The following USP7 variants were observed in gnomAD, a reference collection of about 807,000 sequenced individuals.
USP7 encodes ubiquitin C-terminal hydrolase 7.
In USP7, 9 loss-of-function variants were observed where a neutral mutation model predicts 162.9. The ratio of observed to expected loss-of-function variants is 0.06; its 90% confidence interval spans 0.03 to 0.10. USP7 has a LOEUF of 0.10. Ranked by LOEUF, USP7 falls within the 10% of genes least tolerant of loss-of-function variation. USP7 has a pLI of 1.00. For synonymous variants in USP7, 562 were observed against 475.9 expected, an observed-to-expected ratio of 1.18 and a Z score of -2.35; for missense variants, 715 against 1,373.7, an observed-to-expected ratio of 0.52 and a Z score of 7.58.
At chr16:8,958,909 T>C (rs1307801914) in intron 1 of USP7, among the ~76,000 whole-genome samples, 1 of 152,268 alleles carries the variant, frequency 6.6e-6, no homozygotes, top group Non-Finnish European at 1.5e-5. Flanking sequence ...AGAGGCCGGA[T>C]GGCTTCTTCC....
At chr16:8,902,931 C>T (rs876884) in intron 16 of USP7, among the ~76,000 whole-genome samples, 34,736 of 152,164 alleles carry the variant, frequency 0.23, 4,926 homozygotes, top group South Asian at 0.34. Flanking sequence ...AATTCTTCCC[C>T]GGTTGATTTG....
At chr16:8,935,979 A>G (rs925231819) in intron 1 of USP7, 3 of 152,216 alleles carry the variant, frequency 2.0e-5, no homozygotes, top group Non-Finnish European at 2.9e-5. Flanking sequence ...AATAAGCAAG[A>G]TTCCAATTGG....
At chr16:8,920,001 G>A (rs769419856) in intron 5 of USP7, among the ~76,000 whole-genome samples, 3 of 152,100 alleles carry the variant, frequency 2.0e-5, no homozygotes, top group African/African-American at 4.8e-5. Flanking sequence ...CCTCACACTC[G>A]GAGAGGACTT....
intron 5 of USP7, 88 bp from the exon 6 acceptor site, chr16:8,919,227 C>T (rs1897542410): frequency 7.5e-7 from 1 of 1,330,266 alleles, no homozygotes; most frequent in Non-Finnish European, 1.1e-6. Flanking sequence ...CAAGGTCAGC[C>T]TTAAGGAAAC....
chr16:8,894,664 C>A (rs1281671127), intron 29 of USP7, 24 bp from the exon 30 acceptor site: 10 of 1,611,732 alleles, frequency 6.2e-6, no homozygotes, highest in Non-Finnish European at 8.5e-6. Flanking sequence ...AATTAAAACT[C>A]CTCCGTTATT....
intron 11 of USP7, 96 bp from the exon 12 acceptor site, chr16:8,908,546 G>A: frequency 1.0e-6 from 1 of 959,382 alleles, no homozygotes; most frequent in East Asian, 2.5e-5. Context: ...GAACATGTCT[G>A]GAGACTCTGG....
rs757672263 is a variant in USP7, at chr16:8,904,467, G to A, written c.1672C>T (p.Arg558Trp). The A allele has an allele frequency of 6.2e-7, 1 of 1,614,032 alleles. No homozygotes were observed. The highest frequency in any genetic ancestry group is 8.5e-7 in the Non-Finnish European group (1 of 1,180,016). Residue 558 changes from arginine (R) to tryptophan (W), a missense_variant, in exon 15 of 31, where the codon CGG becomes TGG. This residue lies in a region of USP7 where 197 missense variants were observed against 306.5 expected (regional missense o/e 0.64). Transcript: ENST00000344836. ...KRIEAQKRKE[R>W]QEAHLYMQVQ... ...TGCATATAGAGATGGGCTTCCTGCC[G>A]CTCCTTCCGCTTCTGAGCCTCGATC...
intron 14 of USP7, among the ~76,000 whole-genome samples, chr16:8,904,955 G>A (rs2061837014): frequency 6.6e-6 from 1 of 152,124 alleles, no homozygotes; most frequent in African/African-American, 2.4e-5. Flanking sequence ...CTGGGCAAGA[G>A]CAAGACTCCG....
intron 1 of USP7, among the ~76,000 whole-genome samples, chr16:8,944,778 A>C (rs763440545): frequency 5.2e-4 from 79 of 152,328 alleles, no homozygotes; most frequent in Middle Eastern, 6.8e-3. Flanking sequence ...GGGCTGTCAG[A>C]TCTTTTGAAA....
At chr16:8,904,290 T>G (rs889921008) in intron 15 of USP7, 145 bp downstream of exon 15, 1 of 1,412,364 alleles carries the variant, frequency 7.1e-7, no homozygotes, top group African/African-American at 1.4e-5. Flanking sequence ...GAGTGGGGAC[T>G]GACCTGCACT....
chr16:8,919,410 C>G (rs1897553791), intron 5 of USP7, among the ~76,000 whole-genome samples: 1 of 152,120 alleles, frequency 6.6e-6, no homozygotes, highest in South Asian at 2.1e-4. Context: ...CCAACAGACA[C>G]TTAACGGAGA....
intron 1 of USP7, among the ~76,000 whole-genome samples, chr16:8,932,974 C>T (rs1319785834): frequency 6.6e-6 from 1 of 151,406 alleles, no homozygotes; most frequent in Admixed American, 6.6e-5. Context: ...TGGAGTTTCG[C>T]TCGTTGCCCA....
In USP7 at chr16:8,901,251, C is replaced by G. The variant is rs1482742036; in HGVS notation, c.2048-17G>C. On this transcript the variant is annotated splice_polypyrimidine_tract_variant and intron_variant, in intron 18 of 30. Transcript: ENST00000344836. ...TTACATCATCTACAAGGTTAATAAA[C>G]AAGTTTTGTTAAGATCCAAACACTC... The G allele has an allele frequency of 7.6e-6, 12 of 1,578,104 alleles. No homozygotes were observed. Among genetic ancestry groups the G allele is most frequent in the Non-Finnish European group, 1.7e-6 (2 of 1,149,142 alleles).
At chr16:8,906,353 C>G in intron 13 of USP7, 73 bp downstream of exon 13, 1 of 1,532,606 alleles carries the variant, frequency 6.5e-7, no homozygotes, top group Non-Finnish European at 8.8e-7. Flanking sequence ...GAGTAGGAAC[C>G]AGAACAGGCT....
intron 13 of USP7, among the ~76,000 whole-genome samples, chr16:8,905,697 G>A (rs550966863): frequency 6.6e-6 from 1 of 152,132 alleles, no homozygotes; most frequent in African/African-American, 2.4e-5. Context: ...CACACCAAAC[G>A]AGAGTTCAAA....
intron 27 of USP7, among the ~76,000 whole-genome samples, chr16:8,895,431 CCA>C (rs1156966282): frequency 6.6e-6 from 1 of 152,192 alleles, no homozygotes; most frequent in Non-Finnish European, 1.5e-5. Context: ...TTCAAGTGAT[CCA>C]CAGTTTCTGT....
chr16:8,940,711 A>G (rs1394943233), intron 1 of USP7, among the ~76,000 whole-genome samples: 1 of 152,208 alleles, frequency 6.6e-6, no homozygotes, highest in African/African-American at 2.4e-5. Flanking sequence ...GGGAAAGATC[A>G]GAGGCTGTGG....
intron 11 of USP7, 94 bp downstream of exon 11, chr16:8,910,651 A>G: frequency 8.6e-7 from 1 of 1,157,002 alleles, no homozygotes; most frequent in African/African-American, 1.6e-5. Context: ...GAAACACATG[A>G]AAAGGCACAA....
At chr16:8,950,350 G>C (rs745995712) in intron 1 of USP7, among the ~76,000 whole-genome samples, 3 of 151,918 alleles carry the variant, frequency 2.0e-5, no homozygotes, top group Non-Finnish European at 4.4e-5. Flanking sequence ...AAACACTCAA[G>C]ATTAAAACAG....
Sources: allele counts gnomAD v4.1 joint callset (sites outside exome capture counted in the v4.1 genomes callset), GRCh38; gene constraint gnomAD v4.1.1; regional missense constraint gnomAD v4.1.1; transcripts MANE v1.5; gene names NCBI Gene and HGNC (gene_info 2026-07-23, HGNC 2026-07-21).